Variants in PPP1R1B observed in about 807,000 individuals in gnomAD.
PPP1R1B encodes the protein protein phosphatase 1 regulatory inhibitor subunit 1B.
A neutral mutation model predicts 28.2 loss-of-function variants in PPP1R1B; 13 were observed. That is an observed-to-expected ratio of 0.46 (90% CI 0.30 to 0.73). The LOEUF is 0.73. PPP1R1B is among the 30% of genes least tolerant of loss of function. The pLI is 0.07. For missense variants in PPP1R1B, 236 were observed against 256.7 expected (o/e 0.92, Z 0.55); for synonymous variants, 102 against 97.5 (o/e 1.05, Z -0.27).
At position 39,635,823 on chromosome 17, in the gene PPP1R1B, G is replaced by C. The variant is rs1408098056; in HGVS notation, c.573G>C (p.Gly191=). The change falls in exon 7 of 7, where the codon GGG becomes GGC. Residue 191 remains glycine (G), a synonymous_variant. Coordinates refer to ENST00000254079, the MANE Select transcript of PPP1R1B (RefSeq NM_032192.4). ...TCTCTGCTTGCCTTTCAGAGCCTGGGGAGGAACCTCAGCGCCCTTCCCCCT... is the reference window on the plus strand; with the variant it reads ...TCTCTGCTTGCCTTTCAGAGCCTGGCGAGGAACCTCAGCGCCCTTCCCCCT... ...QVEDPALSEP[G]EEPQRPSPSE... The C allele has an allele frequency of 1.9e-6, 3 of 1,613,936 alleles. No homozygotes were observed. The highest frequency in any genetic ancestry group is 3.3e-5 in the Admixed American group (2 of 60,012).
In PPP1R1B at chr17:39,630,112, G is replaced by C. The variant is rs1213331668; in HGVS notation, c.241+65G>C. Reference sequence around the variant, plus strand: ...TCCCTGGAACTGGGCAGACGCTAGGGGAGCTTTTGTCAGTGGGGAGGGATT... The same window carrying C: ...TCCCTGGAACTGGGCAGACGCTAGGCGAGCTTTTGTCAGTGGGGAGGGATT... On this transcript the variant is annotated intron_variant, in intron 4 of 6. Transcript: ENST00000254079. 2.0e-6 allele frequency: 3 copies of C among 1,471,708 alleles called. No individual in the cohort carries two copies. The African/African-American group carries it at 4.2e-5, about 20-fold the overall frequency. 91.2% of individuals were successfully genotyped at this position (1,471,708 alleles called of 1,614,324 possible).
Position 39,635,948 on chromosome 17 carries a change from T to C in PPP1R1B, c.*83T>C. 6.8e-7 allele frequency: 1 copy of C among 1,480,324 alleles called. No homozygotes were observed. The highest frequency in any genetic ancestry group is 9.3e-7 in the Non-Finnish European group (1 of 1,078,356). 91.7% of individuals were successfully genotyped at this position (1,480,324 alleles called of 1,614,324 possible). On this transcript the variant is annotated 3_prime_UTR_variant, in exon 7 of 7. Coordinates refer to ENST00000254079, the MANE Select transcript of PPP1R1B (RefSeq NM_032192.4). The stretch of plus-strand genomic sequence containing the variant: ...CCCACTCTATCCTCACCCTGTTTTG[T>C]GCTCTTCCCCTCGCCTGCTAGGGCT...
At chr17:39,627,566 T>G in intron 1 of PPP1R1B, 93 bp downstream of exon 1, 2 of 784,630 alleles carry the variant, frequency 2.5e-6, no homozygotes, top group Non-Finnish European at 3.8e-6. Flanking sequence ...CGGACTGGCC[T>G]GGGGGTGGGG....
intron 1 of PPP1R1B, chr17:39,628,850 A>C: frequency 2.4e-6 from 1 of 422,562 alleles, no homozygotes; most frequent in Non-Finnish European, 3.5e-6. Flanking sequence ...TGGTGGGAGA[A>C]GATAGGAAGG....
chr17:39,634,833 T>C (rs1396066625), intron 5 of PPP1R1B, among the ~76,000 whole-genome samples: 1 of 152,214 alleles, frequency 6.6e-6, no homozygotes, highest in Non-Finnish European at 1.5e-5. Context: ...CTGGAAGACC[T>C]GAATCAGTCC....
chr17:39,629,769 C>T (rs2056862621), intron 3 of PPP1R1B, among the ~76,000 whole-genome samples: 1 of 152,232 alleles, frequency 6.6e-6, no homozygotes, highest in South Asian at 2.1e-4. Flanking sequence ...ACCTCCTGGA[C>T]CTAGAGTCCT....
intron 2 of PPP1R1B, 75 bp downstream of exon 2, chr17:39,629,305 C>T (rs552979254): frequency 2.0e-6 from 3 of 1,488,980 alleles, no homozygotes; most frequent in East Asian, 2.3e-5. Context: ...TGCCAAAGTC[C>T]CATGAACAGG....
chr17:39,633,245 C>T (rs114609292), intron 4 of PPP1R1B: 2,115 of 153,612 alleles, frequency 0.014, 54 homozygotes, highest in African/African-American at 0.048. Flanking sequence ...CTGAGCATGC[C>T]GCATCCCCCG....
chr17:39,627,236 G>T lies in PPP1R1B; in HGVS notation c.-157G>T, dbSNP rs1030293569. On this transcript the variant is annotated 5_prime_UTR_variant, in exon 1 of 7. Transcript: ENST00000254079. ...GCGCCGACCCTCCTCCCGCTCCCGC[G>T]CCCTCCCCTCGGCGGGCACGGTATT... 1.9e-6 allele frequency: 1 copy of T among 538,862 alleles called. No individual in the cohort carries two copies. Among genetic ancestry groups the T allele is most frequent in the Non-Finnish European group, 3.1e-6 (1 of 321,214 alleles). The allele number at this position is 538,862 out of a possible 1,614,324, so 33.4% of individuals were successfully genotyped here. A position where few individuals can be genotyped will look rare whatever the true frequency, so the allele number is the denominator to read the frequency against.
chr17:39,629,601 G>A (rs2056861533), intron 3 of PPP1R1B, 39 bp downstream of exon 3: 1 of 1,611,304 alleles, frequency 6.2e-7, no homozygotes, highest in Non-Finnish European at 8.5e-7. Context: ...GGATGCCTGG[G>A]CCCCTTGGGG....
Position 39,633,968 on chromosome 17 carries a change from G to A in PPP1R1B, c.327G>A (p.Gly109=), listed in dbSNP as rs1398519462. The A allele has an allele frequency of 2.5e-6, 4 of 1,613,952 alleles. No individual in the cohort carries two copies. Among genetic ancestry groups the A allele is most frequent in the Admixed American group, 1.7e-5 (1 of 60,022 alleles). The change falls in exon 5 of 7, where the codon GGG becomes GGA. Residue 109 remains glycine, a synonymous_variant. Coordinates refer to ENST00000254079, the MANE Select transcript of PPP1R1B (RefSeq NM_032192.4). ...CCTCAGAGGAGGAGGATGAGCTGGG[G>A]GAGCTTCGGGAGCTGGGTTATCCAA... The part of the protein sequence containing the change: ...NQASEEEDEL[G]ELRELGYPRE...
chr17:39,631,210 G>A (rs1418575796), intron 4 of PPP1R1B, among the ~76,000 whole-genome samples: 1 of 152,186 alleles, frequency 6.6e-6, no homozygotes, highest in East Asian at 1.9e-4. Context: ...GCTCCAGTCT[G>A]GGCTACAGAG....
chr17:39,631,400 G>A (rs932570160), intron 4 of PPP1R1B, among the ~76,000 whole-genome samples: 1 of 152,186 alleles, frequency 6.6e-6, no homozygotes, highest in African/African-American at 2.4e-5. Flanking sequence ...GGGGACTTCT[G>A]GGCCAACCTG....
intron 4 of PPP1R1B, 64 bp from the exon 5 acceptor site, chr17:39,633,819 C>T: frequency 6.2e-7 from 1 of 1,601,046 alleles, no homozygotes. Context: ...AGGCCACAGG[C>T]TATCTCCAGA....
intron 1 of PPP1R1B, 79 bp downstream of exon 1, chr17:39,627,552 C>G (rs764789995): frequency 3.2e-6 from 3 of 940,732 alleles, no homozygotes; most frequent in East Asian, 6.1e-5. Flanking sequence ...GGCGCTGCCC[C>G]GGCCGGACTG....
chr17:39,636,502 CG>C lies in PPP1R1B; in HGVS notation c.*639del, dbSNP rs2056925423. The C allele has an allele frequency of 6.5e-6, 1 of 152,920 alleles. No homozygotes were observed. The highest frequency in any genetic ancestry group is 6.5e-5 in the Admixed American group (1 of 15,288). 9.5% of individuals were successfully genotyped at this position (152,920 alleles called of 1,614,324 possible). On this transcript the variant is annotated 3_prime_UTR_variant, in exon 7 of 7. Transcript: ENST00000254079. ...AGGAATGCCGCCTAGTTTATGTCCCCGGTGGGGCACACAGCGGGGGGCGCCA... is the reference window on the plus strand; with the variant it reads ...AGGAATGCCGCCTAGTTTATGTCCCCGTGGGGCACACAGCGGGGGGCGCCA...
Position 39,635,613 on chromosome 17 carries a change from A to G in PPP1R1B, c.452A>G (p.Gln151Arg), listed in dbSNP as rs780069107. 6.2e-7 allele frequency: 1 copy of G among 1,613,694 alleles called. No homozygotes were observed. The highest frequency in any genetic ancestry group is 1.1e-5 in the South Asian group (1 of 91,070). The change falls in exon 6 of 7, where the codon CAA becomes CGA. Residue 151 changes from glutamine (Q) to arginine (R), a missense_variant. Transcript: ENST00000254079. ...TCTTCTTTCCCATCCCCAGCTGGGC[A>G]AAAGACAACCTGTGGCCAGGGTCTG... is the stretch of plus-strand genomic sequence containing the variant. ...VLKVIRQSAG[Q>R]KTTCGQGLEG...
At chr17:39,629,857 C>G in intron 3 of PPP1R1B, 115 bp from the exon 4 acceptor site, 1 of 1,126,216 alleles carries the variant, frequency 8.9e-7, no homozygotes, top group Non-Finnish European at 1.3e-6. Context: ...GGTGCAGGAC[C>G]CATTAGCAGT....
At chr17:39,626,910 G>T (rs2144830997), upstream of PPP1R1B, 1 of 154,724 alleles carries the variant, frequency 6.5e-6, no homozygotes, top group Admixed American at 6.5e-5. Flanking sequence ...CGGAGGGGAC[G>T]GGCTGGGGAC....
Sources: gnomAD v4.1 joint callset for allele counts (sites outside exome capture counted in the v4.1 genomes callset) on GRCh38, gnomAD v4.1.1 for gene constraint, MANE v1.5 for transcripts, NCBI Gene and HGNC (gene_info 2026-07-23, HGNC 2026-07-21) for gene names.